CREBRF: variants seen among roughly 807,000 people sequenced by gnomAD.
CREBRF encodes the protein UPF0474 protein C5orf41.
A neutral mutation model predicts 66.1 loss-of-function variants in CREBRF; 5 were observed. That is an observed-to-expected ratio of 0.08 (90% CI 0.04 to 0.16). The LOEUF is 0.16. CREBRF is among the 10% of genes least tolerant of loss of function. The pLI, the probability that CREBRF is intolerant of heterozygous loss-of-function variation, is 1.00. For synonymous variants in CREBRF, 229 were observed against 264.4 expected, an observed-to-expected ratio of 0.87 and a Z score of 1.30; for missense variants, 531 against 744.9, an observed-to-expected ratio of 0.71 and a Z score of 3.34.
chr5:173,060,591 A>G (rs1757241374), intron 1 of CREBRF: 1 of 151,964 alleles, frequency 6.6e-6, no homozygotes, highest in Non-Finnish European at 1.5e-5. Flanking sequence ...TTGAACTTGG[A>G]TTTTTTTGAG....
In CREBRF at chr5:173,126,224, T is replaced by TCGG. The variant is rs1238037348; in HGVS notation, c.1804+3023_1804+3024insGGC. On this transcript the variant is annotated intron_variant, in intron 8 of 8. Coordinates refer to ENST00000296953, the MANE Select transcript of CREBRF (RefSeq NM_153607.3). ...GGCGTGATCTTGGCTCCCTGCAGCC[T>TCGG]CTGCCTCCCAGGTTCAAGCGATTTT... Among the ~76,000 whole-genome samples, 7 of 152,232 alleles carry TCGG rather than the reference T, an allele frequency of 4.6e-5. No homozygotes were observed. In the East Asian group the frequency reaches 1.4e-3, roughly 29 times the overall value.
At chr5:173,114,008 A>G (rs1013021306) in intron 7 of CREBRF, among the ~76,000 whole-genome samples, 7 of 152,188 alleles carry the variant, frequency 4.6e-5, no homozygotes, top group African/African-American at 1.2e-4. Flanking sequence ...ACAATGACCA[A>G]TTATTTGTTT....
intron 4 of CREBRF, among the ~76,000 whole-genome samples, chr5:173,095,449 A>G (rs1424440188): frequency 6.6e-6 from 1 of 152,036 alleles, no homozygotes; most frequent in Non-Finnish European, 1.5e-5. Context: ...TCGGCCTCCC[A>G]AAGTGCTGGG....
intron 4 of CREBRF, among the ~76,000 whole-genome samples, chr5:173,095,170 A>G (rs1758446409): frequency 7.1e-6 from 1 of 140,108 alleles, no homozygotes; most frequent in South Asian, 2.3e-4. Context: ...CCATATTGTT[A>G]TAATTACTAT....
chr5:173,076,057 CAAAAAAAAA>C lies in CREBRF; in HGVS notation c.-191-4514_-191-4506del, dbSNP rs35215379. Among the ~76,000 whole-genome samples, 29 of 92,556 alleles carry C rather than the reference CAAAAAAAAA, an allele frequency of 3.1e-4. No homozygotes were observed. The South Asian group carries it at 4.5e-3, about 14-fold the overall frequency. The allele number at this position is 92,556 out of a possible 152,430, so 60.7% of individuals were successfully genotyped here. A position where few individuals can be genotyped will look rare whatever the true frequency, so the allele number is the denominator to read the frequency against. ...GCAACATAATAAGACCCCATCTCTA[CAAAAAAAAA>C]AAAAAAAAAAAAAGTAATTAAGTAA... On this transcript the variant is annotated intron_variant, in intron 1 of 8. Transcript: ENST00000296953.
At chr5:173,121,725 A>G (rs1759143885) in intron 7 of CREBRF, among the ~76,000 whole-genome samples, 1 of 152,208 alleles carries the variant, frequency 6.6e-6, no homozygotes, top group Non-Finnish European at 1.5e-5. Context: ...TATTTAATAA[A>G]CATTTACTAA....
chr5:173,064,036 T>TA (rs1398460848), intron 1 of CREBRF, among the ~76,000 whole-genome samples: 1 of 152,174 alleles, frequency 6.6e-6, no homozygotes, highest in Non-Finnish European at 1.5e-5. Flanking sequence ...TTTTTTTTCT[T>TA]AAAGACTAGT....
intron 4 of CREBRF, among the ~76,000 whole-genome samples, chr5:173,105,225 ATGTG>A (rs34768667): frequency 0.14 from 20,182 of 146,484 alleles, 1,565 homozygotes; most frequent in East Asian, 0.37. Flanking sequence ...GTGTGTATAT[ATGTG>A]TGTGTGTGTG....
At chr5:173,106,125 C>T (rs1274245082) in intron 4 of CREBRF, among the ~76,000 whole-genome samples, 2 of 151,890 alleles carry the variant, frequency 1.3e-5, no homozygotes, top group African/African-American at 4.8e-5. Context: ...ACTTGTGCAT[C>T]ATTTTTTAAG....
chr5:173,118,389 ATGTTT>A (rs1759059628), intron 7 of CREBRF, among the ~76,000 whole-genome samples: 1 of 151,976 alleles, frequency 6.6e-6, no homozygotes, highest in Non-Finnish European at 1.5e-5. Context: ...ATATTTCATG[ATGTTT>A]TGTGTTGTAA....
At chr5:173,085,788 G>T (rs1354996978) in intron 2 of CREBRF, 2 of 777,080 alleles carry the variant, frequency 2.6e-6, no homozygotes, top group South Asian at 1.3e-5. Context: ...TTCAGGTCAT[G>T]GGTCAGCTTT....
chr5:173,078,500 T>C (rs2113701928), intron 1 of CREBRF, among the ~76,000 whole-genome samples: 1 of 150,864 alleles, frequency 6.6e-6, no homozygotes, highest in African/African-American at 2.4e-5. Flanking sequence ...ATATTTATTA[T>C]TCGTAAAATA....
intron 2 of CREBRF, among the ~76,000 whole-genome samples, chr5:173,082,003 G>GTTTTTTTTTTGTTTTTTTTT (rs780926481): frequency 5.1e-5 from 4 of 78,046 alleles, no homozygotes; most frequent in Non-Finnish European, 7.4e-5. Flanking sequence ...TCAAGGTTTA[G>GTTTTTTTTTTGTTTTTTTTT]TTTTTTTTTT....
intron 7 of CREBRF, among the ~76,000 whole-genome samples, chr5:173,120,356 G>A (rs1358504852): frequency 6.6e-6 from 1 of 150,818 alleles, no homozygotes; most frequent in Non-Finnish European, 1.5e-5. Context: ...ATTTCTTCTT[G>A]TATGGATTTT....
intron 4 of CREBRF, chr5:173,092,084 TAAC>T: frequency 1.3e-6 from 1 of 740,952 alleles, no homozygotes; most frequent in East Asian, 1.3e-4. Flanking sequence ...TCTGTCTCAA[TAAC>T]AACAAAAAAT....
chr5:173,105,192 T>C (rs1461374344), intron 4 of CREBRF, among the ~76,000 whole-genome samples: 3 of 151,576 alleles, frequency 2.0e-5, no homozygotes, highest in Non-Finnish European at 4.4e-5. Flanking sequence ...GTATATCAAA[T>C]AAAGTATCCA....
intron 4 of CREBRF, among the ~76,000 whole-genome samples, chr5:173,105,130 C>G (rs1022702851): frequency 3.3e-5 from 5 of 151,878 alleles, no homozygotes; most frequent in Non-Finnish European, 5.9e-5. Flanking sequence ...CAGTGATTTG[C>G]CAGAGATCCA....
chr5:173,074,027 T>C (rs947673738), intron 1 of CREBRF, among the ~76,000 whole-genome samples: 1 of 144,524 alleles, frequency 6.9e-6, no homozygotes, highest in Non-Finnish European at 1.5e-5. Flanking sequence ...TTTTGGCCGG[T>C]TGCGGTGGCT....
chr5:173,106,754 A>G (rs958696227), intron 4 of CREBRF, among the ~76,000 whole-genome samples: 2 of 151,298 alleles, frequency 1.3e-5, no homozygotes, highest in Non-Finnish European at 2.9e-5. Context: ...ATTTTATTTT[A>G]TTTTATTTTA....
Sources: gnomAD v4.1 joint callset for allele counts (sites outside exome capture counted in the v4.1 genomes callset) on GRCh38, gnomAD v4.1.1 for gene constraint, MANE v1.5 for transcripts, NCBI Gene and HGNC (gene_info 2026-07-23, HGNC 2026-07-21) for gene names.